SLFN12: variants seen among roughly 807,000 people sequenced by gnomAD.
The protein encoded by SLFN12 is schlafen family member 12, also known as ribonuclease SLFN12.
A neutral mutation model predicts 29.1 loss-of-function variants in SLFN12; 25 were observed. The observed-to-expected ratio is 0.86, with a 90% confidence interval of 0.63 to 1.20. The LOEUF (loss-of-function observed/expected upper bound fraction) is 1.20, where lower values mean the gene tolerates loss of function less well. SLFN12 is among the 50% of genes most tolerant of loss of function. SLFN12 has a pLI of 0.00. For synonymous variants in SLFN12, 257 were observed against 238.7 expected (o/e 1.08, Z -0.71); for missense variants, 660 against 666.2 (o/e 0.99, Z 0.10).
chr17:35,422,778 C>T lies in SLFN12; in HGVS notation c.251G>A (p.Ser84Asn). 6.2e-7 allele frequency: 1 copy of T among 1,613,802 alleles called. No individual in the cohort carries two copies. Among genetic ancestry groups the T allele is most frequent in the South Asian group, 1.1e-5 (1 of 91,048 alleles). The change falls in exon 2 of 4, where the codon AGT becomes AAT. Residue 84 changes from serine to asparagine, a missense_variant. By Grantham distance (46) the Ser-to-Asn change is conservative. Transcript: ENST00000304905. ...GIGLDLENSF[S>N]NILLFVPEYL... Reference sequence around the variant, plus strand: ...CTCAGGAACAAATAACAGAATGTTACTAAAAGAATTTTCCAAATCTAGTCC... The same window carrying T: ...CTCAGGAACAAATAACAGAATGTTATTAAAAGAATTTTCCAAATCTAGTCC...
intron 3 of SLFN12, among the ~76,000 whole-genome samples, chr17:35,417,930 A>C (rs1227887283): frequency 6.6e-6 from 1 of 152,112 alleles, no homozygotes; most frequent in Non-Finnish European, 1.5e-5. Context: ...AAATGTGTAC[A>C]CAGAAATTTA....
At chr17:35,429,927 G>T (rs909146968) in intron 1 of SLFN12, among the ~76,000 whole-genome samples, 1 of 152,012 alleles carries the variant, frequency 6.6e-6, no homozygotes, top group African/African-American at 2.4e-5. Context: ...CCAGGAGGAT[G>T]GATAACCCTG....
intron 3 of SLFN12, among the ~76,000 whole-genome samples, chr17:35,413,054 G>A (rs757195983): frequency 1.3e-4 from 18 of 139,692 alleles, no homozygotes; most frequent in Non-Finnish European, 1.9e-4. Flanking sequence ...GCAAAAGTCC[G>A]AACTCAAACT....
intron 1 of SLFN12, chr17:35,430,706 G>A (rs558314157): frequency 1.3e-5 from 2 of 152,016 alleles, no homozygotes. Flanking sequence ...CTTGCCCAGG[G>A]TTCCCATAAA....
Position 35,422,029 on chromosome 17 carries a change from T to C in SLFN12, c.1000A>G (p.Arg334Gly). The C allele has an allele frequency of 2.5e-6, 4 of 1,614,074 alleles. No individual in the cohort carries two copies. The highest frequency in any genetic ancestry group is 2.2e-5 in the East Asian group (1 of 44,888). Residue 334 changes from arginine to glycine, a missense_variant, in exon 2 of 4, where the codon AGG (arginine) becomes GGG (glycine). By Grantham distance (125) the Arg-to-Gly change is moderately radical. Transcript: ENST00000304905. ...ACCATGAACTGGATCCATTCCTTCC[T>C]GGTCAACTGCATCACACGGTTATCT... is the stretch of plus-strand genomic sequence containing the variant. ...VKDNRVMQLTRKEWIQFMVEA... is the reference protein window; with the variant it reads ...VKDNRVMQLTGKEWIQFMVEA...
At chr17:35,415,197 T>C (rs1911245850) in intron 3 of SLFN12, among the ~76,000 whole-genome samples, 1 of 151,970 alleles carries the variant, frequency 6.6e-6, no homozygotes, top group Non-Finnish European at 1.5e-5. Context: ...TAGAGAACAC[T>C]GAAAGAAAGT....
At chr17:35,420,240 A>G (rs367674776) in intron 3 of SLFN12, 34 bp downstream of exon 3, 1 of 1,485,416 alleles carries the variant, frequency 6.7e-7, no homozygotes, top group Non-Finnish European at 9.4e-7. Flanking sequence ...CTACAGTCAC[A>G]CTAACAAATC....
intron 3 of SLFN12, among the ~76,000 whole-genome samples, chr17:35,412,205 G>C (rs1373933235): frequency 6.6e-6 from 1 of 152,084 alleles, no homozygotes; most frequent in South Asian, 2.1e-4. Context: ...TGGGTAAATA[G>C]AACCCAAGGA....
rs77100417 is a variant in SLFN12, at chr17:35,424,487, G to A, written c.-40-1419C>T. ...AGTTTAACTTTTAAGTGTAACTTAA[G>A]TGTAACTTTTAAGTTAAGTTAATAA... On this transcript the variant is annotated intron_variant, in intron 1 of 3. Coordinates refer to ENST00000304905, the MANE Select transcript of SLFN12 (RefSeq NM_018042.5). Among the ~76,000 whole-genome samples the A allele has an allele frequency of 9.7e-3, 1,472 of 152,254 alleles. 18 individuals are homozygous for A. Among genetic ancestry groups the A allele is most frequent in the Non-Finnish European group, 0.015 (1,033 of 68,032 alleles).
At chr17:35,430,470 C>A (rs142540900) in intron 1 of SLFN12, 1 of 152,124 alleles carries the variant, frequency 6.6e-6, no homozygotes. Context: ...CTCTCAGTTA[C>A]CATCATTTTG....
intron 3 of SLFN12, among the ~76,000 whole-genome samples, chr17:35,414,523 T>G (rs1035880931): frequency 3.9e-5 from 6 of 152,034 alleles, no homozygotes; most frequent in Non-Finnish European, 7.4e-5. Context: ...TTTTAAAATG[T>G]CCACACTACC....
chr17:35,418,012 T>C (rs1344931905), intron 3 of SLFN12, among the ~76,000 whole-genome samples: 1 of 152,112 alleles, frequency 6.6e-6, no homozygotes, highest in Non-Finnish European at 1.5e-5. Context: ...TACAACTTAC[T>C]GATATAAATA....
At chr17:35,419,600 G>T (rs531690278) in intron 3 of SLFN12, among the ~76,000 whole-genome samples, 1 of 152,186 alleles carries the variant, frequency 6.6e-6, no homozygotes, top group East Asian at 1.9e-4. Flanking sequence ...GAAGAAGGAG[G>T]TCAAGAGAAG....
At chr17:35,418,302 C>G (rs1437555956) in intron 3 of SLFN12, among the ~76,000 whole-genome samples, 4 of 152,062 alleles carry the variant, frequency 2.6e-5, no homozygotes, top group Admixed American at 6.5e-5. Context: ...CCTTGAACAA[C>G]ATGGGTTTGA....
At chr17:35,421,254 A>AG (rs1194635825) in intron 2 of SLFN12, among the ~76,000 whole-genome samples, 19 of 149,946 alleles carry the variant, frequency 1.3e-4, no homozygotes, top group African/African-American at 2.9e-4. Flanking sequence ...ATAAATAAAT[A>AG]AATAGAAAGG....
intron 1 of SLFN12, among the ~76,000 whole-genome samples, chr17:35,429,347 G>A (rs1912185476): frequency 6.6e-6 from 1 of 152,064 alleles, no homozygotes; most frequent in African/African-American, 2.4e-5. Flanking sequence ...ATCTGCAGCT[G>A]TGTAAAACTT....
At chr17:35,413,783 A>C (rs369997594) in intron 3 of SLFN12, among the ~76,000 whole-genome samples, 1 of 151,762 alleles carries the variant, frequency 6.6e-6, no homozygotes, top group Non-Finnish European at 1.5e-5. Flanking sequence ...AAGATCATTC[A>C]TCATAATAAG....
intron 3 of SLFN12, among the ~76,000 whole-genome samples, chr17:35,414,378 A>G (rs1911201831): frequency 6.6e-6 from 1 of 152,116 alleles, no homozygotes; most frequent in Non-Finnish European, 1.5e-5. Flanking sequence ...AGCTACAAAA[A>G]ATACTTGATA....
intron 3 of SLFN12, among the ~76,000 whole-genome samples, chr17:35,419,507 G>A (rs1295393920): frequency 6.6e-6 from 1 of 152,114 alleles, no homozygotes; most frequent in African/African-American, 2.4e-5. Flanking sequence ...TGGCCAGTAA[G>A]TATATGGAGA....
Sources: allele counts gnomAD v4.1 joint callset (sites outside exome capture counted in the v4.1 genomes callset), GRCh38; gene constraint gnomAD v4.1.1; transcripts MANE v1.5; gene names NCBI Gene and HGNC (gene_info 2026-07-23, HGNC 2026-07-21).